Variants in BMAL1 observed in about 807,000 individuals in gnomAD.
BMAL1 encodes basic helix-loop-helix ARNT-like protein 1.
the BMAL1 span, among the ~76,000 whole-genome samples, chr11:13,280,765 A>G: frequency 6.6e-6 from 1 of 152,184 alleles, no homozygotes; most frequent in African/African-American, 2.4e-5. Flanking sequence ...CTCTCATGAA[A>G]TAAGACCTGC....
chr11:13,385,091 T>C, the BMAL1 span, among the ~76,000 whole-genome samples: 1 of 152,298 alleles, frequency 6.6e-6, no homozygotes, highest in South Asian at 2.1e-4. Flanking sequence ...AATGCTCTTC[T>C]TTGAGACTCA....
At chr11:13,316,803 A>T in the BMAL1 span, among the ~76,000 whole-genome samples, 1 of 152,250 alleles carries the variant, frequency 6.6e-6, no homozygotes, top group Non-Finnish European at 1.5e-5. Flanking sequence ...GACGTTAGCC[A>T]CACCCTAGGT....
chr11:13,379,878 TGGAAG>T, the BMAL1 span: 1 of 152,194 alleles, frequency 6.6e-6, no homozygotes, highest in Non-Finnish European at 1.5e-5. Context: ...CTGTGCAGTT[TGGAAG>T]AAACCTGTAA....
chr11:13,316,888 G>A, the BMAL1 span, among the ~76,000 whole-genome samples: 83 of 152,228 alleles, frequency 5.5e-4, 1 homozygote, highest in African/African-American at 1.9e-3. Context: ...AAGGGCATTC[G>A]GCACACTGGT....
chr11:13,289,503 G>A, the BMAL1 span, among the ~76,000 whole-genome samples: 1 of 152,110 alleles, frequency 6.6e-6, no homozygotes, highest in Non-Finnish European at 1.5e-5. Context: ...ATTTACATTA[G>A]GTATATCTCC....
chr11:13,361,443 A>G, the BMAL1 span, among the ~76,000 whole-genome samples: 1 of 152,288 alleles, frequency 6.6e-6, no homozygotes, highest in East Asian at 1.9e-4. Context: ...GTCAGGGCTG[A>G]CCTTACCTGC....
the BMAL1 span, chr11:13,355,109 C>T: frequency 2.4e-6 from 2 of 838,874 alleles, no homozygotes; most frequent in Non-Finnish European, 3.7e-6. Context: ...TTTTGTTTTG[C>T]CGAAGCACCT....
chr11:13,283,578 G>C, the BMAL1 span, among the ~76,000 whole-genome samples: 1 of 152,130 alleles, frequency 6.6e-6, no homozygotes, highest in Non-Finnish European at 1.5e-5. Context: ...TAACACCCTA[G>C]TAGATTCCTA....
chr11:13,355,418 A>G, the BMAL1 span: 10 of 977,788 alleles, frequency 1.0e-5, no homozygotes, highest in Admixed American at 1.8e-5. Flanking sequence ...GATGTTGGCC[A>G]CAAACCCTTT....
the BMAL1 span, chr11:13,356,918 G>A: frequency 4.2e-3 from 6,653 of 1,585,270 alleles, 24 homozygotes; most frequent in Non-Finnish European, 5.3e-3. Flanking sequence ...GGCGCTCACT[G>A]TGTCCCTCCA....
chr11:13,377,044 C>T, the BMAL1 span, among the ~76,000 whole-genome samples: 1 of 152,172 alleles, frequency 6.6e-6, no homozygotes, highest in Non-Finnish European at 1.5e-5. Context: ...GTGAAGTGCT[C>T]TTTCGTGACT....
chr11:13,288,990 CAGATT>C, the BMAL1 span, among the ~76,000 whole-genome samples: 5,528 of 152,216 alleles, frequency 0.036, 218 homozygotes, highest in African/African-American at 0.1. Flanking sequence ...GAAAGAGCAC[CAGATT>C]AGGAGTCAGA....
At chr11:13,322,582 G>C in the BMAL1 span, among the ~76,000 whole-genome samples, 1 of 152,074 alleles carries the variant, frequency 6.6e-6, no homozygotes, top group African/African-American at 2.4e-5. Flanking sequence ...CAGGCCTTAT[G>C]TTAGGTGAAG....
chr11:13,354,855 G>A, the BMAL1 span: 3 of 232,182 alleles, frequency 1.3e-5, no homozygotes, highest in Non-Finnish European at 2.6e-5. Flanking sequence ...AGTGTCAGGT[G>A]CTTAATGAAT....
the BMAL1 span, chr11:13,378,683 T>A: frequency 2.0e-6 from 1 of 499,004 alleles, no homozygotes; most frequent in Non-Finnish European, 3.4e-6. Flanking sequence ...ATCCAAAATG[T>A]TAGTAGTGCC....
the BMAL1 span, among the ~76,000 whole-genome samples, chr11:13,385,456 C>G: frequency 6.6e-6 from 1 of 152,290 alleles, no homozygotes; most frequent in Non-Finnish European, 1.5e-5. Context: ...GGATTTTATT[C>G]AGCCTTTAAG....
the BMAL1 span, chr11:13,369,905 A>C: frequency 2.7e-6 from 3 of 1,100,516 alleles, no homozygotes; most frequent in East Asian, 7.7e-5. Flanking sequence ...AGGACCCTGC[A>C]GTCCTCCCTA....
the BMAL1 span, among the ~76,000 whole-genome samples, chr11:13,360,747 A>T: frequency 6.6e-6 from 1 of 152,336 alleles, no homozygotes; most frequent in East Asian, 1.9e-4. Context: ...AGGGACTGAA[A>T]CCAACAACAA....
chr11:13,324,057 C>T, the BMAL1 span, among the ~76,000 whole-genome samples: 1 of 152,142 alleles, frequency 6.6e-6, no homozygotes, highest in Admixed American at 6.5e-5. Flanking sequence ...TTCTTGACAA[C>T]TCTTACTGTA....
Sources: allele counts gnomAD v4.1 joint callset (sites outside exome capture counted in the v4.1 genomes callset), GRCh38; gene constraint gnomAD v4.1.1; transcripts MANE v1.5; gene names NCBI Gene and HGNC (gene_info 2026-07-23, HGNC 2026-07-21).